POFUT3: variants seen among roughly 807,000 people sequenced by gnomAD.
POFUT3 encodes the protein GDP-fucose protein O-fucosyltransferase 3.
chr8:33,469,766 C>A, the POFUT3 span, among the ~76,000 whole-genome samples: 1 of 149,812 alleles, frequency 6.7e-6, no homozygotes, highest in Admixed American at 6.7e-5. Flanking sequence ...CAGACTGATA[C>A]AATGCCTCAA....
the POFUT3 span, among the ~76,000 whole-genome samples, chr8:33,317,440 A>G: frequency 2.6e-5 from 4 of 152,132 alleles, no homozygotes. Flanking sequence ...CTTCACTTCC[A>G]TAGCCAATCA....
the POFUT3 span, among the ~76,000 whole-genome samples, chr8:33,470,928 G>C: frequency 6.6e-5 from 10 of 152,008 alleles, no homozygotes; most frequent in African/African-American, 2.4e-4. Flanking sequence ...CAGACAACTT[G>C]AGTCATCACA....
the POFUT3 span, among the ~76,000 whole-genome samples, chr8:33,416,394 G>T: frequency 6.6e-6 from 1 of 152,112 alleles, no homozygotes; most frequent in Admixed American, 6.5e-5. Flanking sequence ...CTTGAGGCCA[G>T]GAGTTCAAGA....
the POFUT3 span, among the ~76,000 whole-genome samples, chr8:33,416,830 CAAAAAAAAAAA>C: frequency 6.7e-5 from 3 of 44,560 alleles, no homozygotes; most frequent in East Asian, 7.3e-4. Context: ...TGGGCGACGA[CAAAAAAAAAAA>C]AAAAAAAAAG....
At chr8:33,342,818 A>G in the POFUT3 span, among the ~76,000 whole-genome samples, 1 of 152,164 alleles carries the variant, frequency 6.6e-6, no homozygotes, top group Non-Finnish European at 1.5e-5. Context: ...TATCCTAAAG[A>G]AAACTGGCCA....
the POFUT3 span, among the ~76,000 whole-genome samples, chr8:33,319,198 TTTTACATAATATATAA>T: frequency 4.9e-5 from 5 of 102,920 alleles, 2 homozygotes; most frequent in African/African-American, 2.1e-4. Flanking sequence ...TATTTATATA[TTTTACATAATATATAA>T]ATATATTTAT....
the POFUT3 span, among the ~76,000 whole-genome samples, chr8:33,330,435 C>T: frequency 6.6e-6 from 1 of 152,140 alleles, no homozygotes; most frequent in Admixed American, 6.5e-5. Context: ...CAGAGCTAGA[C>T]TCCATCCCAA....
At chr8:33,355,856 G>A in the POFUT3 span, among the ~76,000 whole-genome samples, 1 of 152,060 alleles carries the variant, frequency 6.6e-6, no homozygotes, top group Non-Finnish European at 1.5e-5. Context: ...AGAGTGTGAT[G>A]TTCCCCTTTC....
chr8:33,443,518 A>G, the POFUT3 span, among the ~76,000 whole-genome samples: 1 of 152,010 alleles, frequency 6.6e-6, no homozygotes, highest in Non-Finnish European at 1.5e-5. Flanking sequence ...TTTTGAGACA[A>G]AGTCTGGCCT....
chr8:33,424,317 A>G, the POFUT3 span, among the ~76,000 whole-genome samples: 2 of 152,142 alleles, frequency 1.3e-5, no homozygotes, highest in Admixed American at 6.6e-5. Context: ...TGTAACACAG[A>G]AGCTACTTAG....
the POFUT3 span, among the ~76,000 whole-genome samples, chr8:33,395,918 C>T: frequency 2.6e-5 from 4 of 152,088 alleles, no homozygotes; most frequent in Non-Finnish European, 4.4e-5. Flanking sequence ...TCATCCCTGT[C>T]GCAAGGCCCA....
the POFUT3 span, chr8:33,372,348 A>G: frequency 7.7e-7 from 1 of 1,298,912 alleles, no homozygotes; most frequent in East Asian, 3.3e-5. Flanking sequence ...CATGGAAGAT[A>G]ACCAGTGTCC....
the POFUT3 span, among the ~76,000 whole-genome samples, chr8:33,384,641 G>A: frequency 2.6e-5 from 4 of 152,136 alleles, no homozygotes; most frequent in South Asian, 8.3e-4. Flanking sequence ...CCAACATGGT[G>A]AAACCCCGTC....
the POFUT3 span, among the ~76,000 whole-genome samples, chr8:33,439,418 A>AAAGT: frequency 6.6e-6 from 1 of 152,024 alleles, no homozygotes; most frequent in Non-Finnish European, 1.5e-5. Flanking sequence ...AGAAAGAAAG[A>AAAGT]AACTGTGTGG....
At chr8:33,389,626 G>C in the POFUT3 span, 1 of 1,614,170 alleles carries the variant, frequency 6.2e-7, no homozygotes. Flanking sequence ...CCAAGTATTG[G>C]GTAGTTAGTG....
the POFUT3 span, among the ~76,000 whole-genome samples, chr8:33,413,876 A>G: frequency 2.6e-5 from 4 of 152,302 alleles, no homozygotes; most frequent in African/African-American, 4.8e-5. Context: ...GATGAACCCA[A>G]TTTTGACTTA....
the POFUT3 span, among the ~76,000 whole-genome samples, chr8:33,383,913 A>G: frequency 6.7e-6 from 1 of 149,768 alleles, no homozygotes; most frequent in Non-Finnish European, 1.5e-5. Context: ...CATAATCCCC[A>G]CCACCACCAT....
chr8:33,388,267 T>C, the POFUT3 span, among the ~76,000 whole-genome samples: 2 of 151,108 alleles, frequency 1.3e-5, 1 homozygote, highest in South Asian at 4.2e-4. Flanking sequence ...GAAATTATCA[T>C]ACTCCTTCGC....
chr8:33,469,662 T>C, the POFUT3 span, among the ~76,000 whole-genome samples: 5 of 152,168 alleles, frequency 3.3e-5, no homozygotes, highest in Non-Finnish European at 7.3e-5. Flanking sequence ...TATGCAGTGT[T>C]AATAATACAA....
Sources: allele counts gnomAD v4.1 joint callset (sites outside exome capture counted in the v4.1 genomes callset), GRCh38; gene constraint gnomAD v4.1.1; transcripts MANE v1.5; gene names NCBI Gene and HGNC (gene_info 2026-07-23, HGNC 2026-07-21).